The following KIF25 variants were observed in gnomAD, a reference collection of about 807,000 sequenced individuals.
KIF25 encodes the protein kinesin-like protein KIF25.
A neutral mutation model predicts 32.9 loss-of-function variants in KIF25; 19 were observed. The observed-to-expected ratio is 0.58, with a 90% CI of 0.40 to 0.85. The LOEUF is 0.85. Ranked by LOEUF, KIF25 falls within the 40% of genes least tolerant of loss-of-function variation. The pLI, the probability that KIF25 is intolerant of heterozygous loss-of-function variation, is 0.00. For synonymous variants in KIF25, 225 were observed against 213.7 expected (o/e 1.05, Z -0.46); for missense variants, 485 against 507.0 (o/e 0.96, Z 0.42).
chr6:168,033,968 T>C lies in KIF25; in HGVS notation c.254T>C (p.Val85Ala). The change falls in exon 8 of 13, where the codon GTT becomes GCT. Residue 85 changes from valine to alanine, a missense_variant. By Grantham distance (64) the Val-to-Ala change is moderately conservative. This residue lies in a region of KIF25 where 480 missense variants were observed against 470.3 expected (regional missense o/e 1.02). Coordinates refer to ENST00000643607, the MANE Select transcript of KIF25 (RefSeq NM_030615.4). ...GGACGCCATTCGGACGACGGCCCTG[T>C]TCTGCCGCTTGACCCACAGAGTGAC... Reference protein sequence around the residue: ...MLGRHSDDGPVLPLDPQSDLG... With the variant: ...MLGRHSDDGPALPLDPQSDLG... The C allele has an allele frequency of 6.2e-7, 1 of 1,614,192 alleles. No individual in the cohort carries two copies. The highest frequency in any genetic ancestry group is 8.5e-7 in the Non-Finnish European group (1 of 1,180,040).
At chr6:168,004,667 A>C (rs532452744) in intron 4 of KIF25, among the ~76,000 whole-genome samples, 3 of 152,140 alleles carry the variant, frequency 2.0e-5, no homozygotes, top group Non-Finnish European at 4.4e-5. Flanking sequence ...GGTTGATGGG[A>C]TCGTCACGAT....
intron 5 of KIF25, 50 bp from the exon 6 acceptor site, chr6:168,029,442 G>A: frequency 7.8e-7 from 1 of 1,284,136 alleles, no homozygotes; most frequent in Non-Finnish European, 1.1e-6. Flanking sequence ...TTCATGTTAA[G>A]GCATGGTCGT....
intron 4 of KIF25, among the ~76,000 whole-genome samples, chr6:168,005,169 A>G (rs902065672): frequency 2.9e-4 from 44 of 152,268 alleles, no homozygotes; most frequent in African/African-American, 9.1e-4. Context: ...TGACTGTCAC[A>G]GGCATTGTTG....
intron 10 of KIF25, among the ~76,000 whole-genome samples, chr6:168,040,632 A>G (rs1194138125): frequency 1.3e-5 from 2 of 152,060 alleles, no homozygotes; most frequent in Admixed American, 6.6e-5. Flanking sequence ...CTCTCATGGG[A>G]CCCAGCATGG....
At chr6:167,999,699 C>T (rs1365242235) in intron 2 of KIF25, among the ~76,000 whole-genome samples, 1 of 152,192 alleles carries the variant, frequency 6.6e-6, no homozygotes, top group Non-Finnish European at 1.5e-5. Context: ...TTATGAACCC[C>T]AAAGACCACC....
chr6:168,045,036 T>G lies in KIF25; in HGVS notation c.*40T>G. The G allele has an allele frequency of 1.3e-6, 2 of 1,550,466 alleles. No individual in the cohort carries two copies. Among genetic ancestry groups the G allele is most frequent in the Middle Eastern group, 3.4e-4 (2 of 5,798 alleles). ...TTTTCTCCTAAAACTGTGTTTCTTG[T>G]CCTTGCTTTATAATGCATATGTGCT... is the stretch of plus-strand genomic sequence containing the variant. On this transcript the variant is annotated 3_prime_UTR_variant, in exon 13 of 13. Transcript: ENST00000643607.
chr6:168,019,812 G>A (rs1042951797), intron 5 of KIF25, among the ~76,000 whole-genome samples: 12 of 152,182 alleles, frequency 7.9e-5, no homozygotes, highest in African/African-American at 2.9e-4. Flanking sequence ...AAAAGGTGAC[G>A]GGAGTGGGCG....
intron 8 of KIF25, chr6:168,036,219 C>T (rs1160899717): frequency 1.9e-5 from 3 of 161,872 alleles, no homozygotes; most frequent in Admixed American, 6.1e-5. Context: ...CCCGACTGCT[C>T]TCCGCTGTCA....
At chr6:168,028,153 C>T (rs1798890885) in intron 5 of KIF25, among the ~76,000 whole-genome samples, 1 of 152,016 alleles carries the variant, frequency 6.6e-6, no homozygotes, top group Admixed American at 6.5e-5. Flanking sequence ...TATATCTATT[C>T]ATTTACTGCA....
At chr6:168,011,953 T>C (rs906349394) in intron 4 of KIF25, among the ~76,000 whole-genome samples, 8 of 152,170 alleles carry the variant, frequency 5.3e-5, no homozygotes, top group African/African-American at 1.9e-4. Context: ...TTTGGTCTAG[T>C]CTGTTGTTGA....
intron 11 of KIF25, 111 bp downstream of exon 11, chr6:168,042,262 T>G: frequency 8.7e-6 from 10 of 1,148,970 alleles, no homozygotes; most frequent in Non-Finnish European, 1.2e-5. Flanking sequence ...AGCCAGGCAT[T>G]TCCCCCTCCA....
intron 5 of KIF25, among the ~76,000 whole-genome samples, chr6:168,024,284 C>T (rs1417985231): frequency 6.6e-6 from 1 of 152,126 alleles, no homozygotes; most frequent in Non-Finnish European, 1.5e-5. Context: ...TTTATGCAAA[C>T]ACTTGTGGAA....
At chr6:168,000,823 G>C (rs1230848546) in intron 2 of KIF25, among the ~76,000 whole-genome samples, 1 of 152,028 alleles carries the variant, frequency 6.6e-6, no homozygotes, top group Non-Finnish European at 1.5e-5. Flanking sequence ...CTTTGCTCAG[G>C]CTGTTTTTCT....
intron 12 of KIF25, among the ~76,000 whole-genome samples, chr6:168,043,452 A>AG (rs1459500916): frequency 1.3e-5 from 2 of 152,164 alleles, no homozygotes; most frequent in East Asian, 3.9e-4. Context: ...GAGGTGGTGG[A>AG]GGGGCCGCTG....
At chr6:168,023,041 A>T (rs1798808979) in intron 5 of KIF25, among the ~76,000 whole-genome samples, 1 of 150,852 alleles carries the variant, frequency 6.6e-6, no homozygotes, top group Non-Finnish European at 1.5e-5. Context: ...ACTTATCTGG[A>T]CCCCCTTTTC....
At chr6:168,040,982 T>C (rs1799110531) in intron 10 of KIF25, among the ~76,000 whole-genome samples, 1 of 152,170 alleles carries the variant, frequency 6.6e-6, no homozygotes, top group Non-Finnish European at 1.5e-5. Context: ...TGGGAACTAA[T>C]AGCAGACACC....
At chr6:168,005,977 T>C (rs1479473768) in intron 4 of KIF25, among the ~76,000 whole-genome samples, 1 of 152,210 alleles carries the variant, frequency 6.6e-6, no homozygotes. Context: ...ACATGCTTTG[T>C]TCCTGGCCCA....
At chr6:168,037,011 G>A (rs1474206917) in intron 8 of KIF25, among the ~76,000 whole-genome samples, 5 of 152,278 alleles carry the variant, frequency 3.3e-5, no homozygotes, top group East Asian at 1.9e-4. Context: ...GCAGTGAGCC[G>A]AGAATGTGCC....
At position 167,998,217 on chromosome 6, in the gene KIF25, G is replaced by C. The variant is rs1365053334; in HGVS notation, c.-1252G>C. ...AGATAATATGAACCTTCCTAAGATG[G>C]AGTCAAGTCCCACAAGGAAGAATTG... is the stretch of plus-strand genomic sequence containing the variant. On this transcript the variant is annotated 5_prime_UTR_variant, in exon 1 of 13. Coordinates refer to ENST00000643607, the MANE Select transcript of KIF25 (RefSeq NM_030615.4). 1.3e-5 allele frequency: 2 copies of C among 151,858 alleles called. No homozygotes were observed. Among genetic ancestry groups the C allele is most frequent in the Non-Finnish European group, 2.9e-5 (2 of 67,986 alleles). 9.4% of individuals were successfully genotyped at this position (151,858 alleles called of 1,614,324 possible). A position where few individuals can be genotyped will look rare whatever the true frequency, so the allele number is the denominator to read the frequency against.
Sources: gnomAD v4.1 joint callset for allele counts (sites outside exome capture counted in the v4.1 genomes callset) on GRCh38, gnomAD v4.1.1 for gene constraint, gnomAD v4.1.1 regional missense constraint, MANE v1.5 for transcripts, NCBI Gene and HGNC (gene_info 2026-07-23, HGNC 2026-07-21) for gene names.